Variants in FGGY observed in about 807,000 individuals in gnomAD.
FGGY encodes the protein FGGY carbohydrate kinase domain containing.
A neutral mutation model predicts 71.3 loss-of-function variants in FGGY; 72 were observed. That is an observed-to-expected ratio of 1.01 (90% CI 0.84 to 1.23). FGGY has a LOEUF of 1.23. Among genes scored for constraint, FGGY ranks in the 50% most tolerant of loss-of-function variants. FGGY has a pLI of 0.00. For synonymous variants in FGGY, 251 were observed against 250.3 expected, an observed-to-expected ratio of 1.00 and a Z score of -0.02; for missense variants, 668 against 682.3, an observed-to-expected ratio of 0.98 and a Z score of 0.23.
At chr1:59,709,884 G>A (rs1479103709) in intron 14 of FGGY, among the ~76,000 whole-genome samples, 1 of 152,206 alleles carries the variant, frequency 6.6e-6, no homozygotes, top group African/African-American at 2.4e-5. Flanking sequence ...ACCCCTCTGT[G>A]TGTTGTCAGC....
chr1:59,301,750 G>A (rs1569887551), intron 1 of FGGY, among the ~76,000 whole-genome samples: 1 of 82,912 alleles, frequency 1.2e-5, no homozygotes, highest in Admixed American at 2.0e-4. Flanking sequence ...TTTCGCTCTT[G>A]TTGCCCAGGC....
At chr1:59,350,208 A>G (rs968373361) in intron 4 of FGGY, among the ~76,000 whole-genome samples, 6 of 152,152 alleles carry the variant, frequency 3.9e-5, no homozygotes, top group Non-Finnish European at 5.9e-5. Flanking sequence ...GAGCTCAACT[A>G]TGAACCAGCA....
intron 10 of FGGY, among the ~76,000 whole-genome samples, chr1:59,629,188 A>G (rs2096885796): frequency 6.6e-6 from 1 of 152,092 alleles, no homozygotes; most frequent in Admixed American, 6.5e-5. Flanking sequence ...TACATTGTGT[A>G]CATGTACCCT....
intron 14 of FGGY, among the ~76,000 whole-genome samples, chr1:59,748,874 G>A (rs112083297): frequency 2.1e-4 from 32 of 152,176 alleles, no homozygotes; most frequent in African/African-American, 7.7e-4. Context: ...ATCAGGATGG[G>A]GGCTGGTCAC....
chr1:59,672,527 G>A (rs1306514456), intron 13 of FGGY, among the ~76,000 whole-genome samples: 2 of 152,190 alleles, frequency 1.3e-5, no homozygotes, highest in African/African-American at 2.4e-5. Context: ...AATAAACTCA[G>A]GTCTGAGCTT....
At chr1:59,323,440 G>A (rs79477581) in intron 2 of FGGY, among the ~76,000 whole-genome samples, 16 of 152,348 alleles carry the variant, frequency 1.1e-4, no homozygotes, top group Middle Eastern at 6.8e-3. Context: ...ATTCTCCTCA[G>A]ATGGAGTATG....
intron 14 of FGGY, among the ~76,000 whole-genome samples, chr1:59,715,558 G>A (rs2097840082): frequency 6.6e-6 from 1 of 152,190 alleles, no homozygotes; most frequent in South Asian, 2.1e-4. Context: ...AAAACTACTG[G>A]TTTTAGAGTC....
intron 11 of FGGY, among the ~76,000 whole-genome samples, chr1:59,649,082 G>A (rs1028375294): frequency 1.3e-5 from 2 of 151,912 alleles, no homozygotes; most frequent in South Asian, 2.1e-4. Context: ...TTATTTCTGA[G>A]GGCTCTGTTC....
At chr1:59,428,784 G>A (rs369334329) in intron 5 of FGGY, among the ~76,000 whole-genome samples, 3 of 152,178 alleles carry the variant, frequency 2.0e-5, no homozygotes, top group Non-Finnish European at 2.9e-5. Flanking sequence ...GCCCACCTCC[G>A]AAGTCTATGA....
chr1:59,629,356 G>T (rs371154892), intron 10 of FGGY, among the ~76,000 whole-genome samples: 1 of 152,158 alleles, frequency 6.6e-6, no homozygotes, highest in African/African-American at 2.4e-5. Context: ...TAAAATATAC[G>T]TAGTGTGTTA....
chr1:59,759,774 A>T (rs538087427), intron 15 of FGGY, among the ~76,000 whole-genome samples: 28 of 152,370 alleles, frequency 1.8e-4, no homozygotes, highest in Non-Finnish European at 3.8e-4. Context: ...GCCACACAGA[A>T]GCAGGGACTG....
At position 59,643,422 on chromosome 1, in the gene FGGY, T is replaced by C. The variant is rs2097057879; in HGVS notation, c.1221+5047T>C. Among the ~76,000 whole-genome samples the C allele has an allele frequency of 2.6e-5, 4 of 152,296 alleles. No individual in the cohort carries two copies. In the South Asian group the frequency reaches 8.3e-4, roughly 32 times the overall value. On this transcript the variant is annotated intron_variant, in intron 11 of 15. Transcript: ENST00000303721. ...GTTGCCAAGGCTGGTCTCAAACTGC[T>C]GGCCTCAAGCCGTCTTCCCACTTCA...
intron 14 of FGGY, among the ~76,000 whole-genome samples, chr1:59,692,703 T>G (rs771767886): frequency 1.1e-4 from 16 of 151,942 alleles, no homozygotes; most frequent in African/African-American, 3.9e-4. Flanking sequence ...GAAGATAGTC[T>G]TCTTGCATGG....
At chr1:59,684,095 A>C (rs1395366747) in intron 14 of FGGY, among the ~76,000 whole-genome samples, 1 of 152,206 alleles carries the variant, frequency 6.6e-6, no homozygotes, top group Non-Finnish European at 1.5e-5. Context: ...CCTGCATGTG[A>C]CGGGAACAGC....
intron 7 of FGGY, among the ~76,000 whole-genome samples, chr1:59,551,198 A>G (rs2095602978): frequency 6.6e-6 from 1 of 152,136 alleles, no homozygotes; most frequent in South Asian, 2.1e-4. Flanking sequence ...CACAACAACC[A>G]TGTGATGTTG....
At chr1:59,564,889 A>G (rs985137719) in intron 8 of FGGY, among the ~76,000 whole-genome samples, 5 of 152,160 alleles carry the variant, frequency 3.3e-5, no homozygotes, top group Non-Finnish European at 5.9e-5. Context: ...GGGGGAATCT[A>G]TCTATCAGAT....
intron 5 of FGGY, among the ~76,000 whole-genome samples, chr1:59,402,257 G>T (rs895448089): frequency 2.6e-5 from 4 of 152,150 alleles, no homozygotes; most frequent in Non-Finnish European, 5.9e-5. Context: ...GTAGCTTGGG[G>T]TATTGTGAAG....
At chr1:59,349,736 C>G (rs2052861638) in intron 4 of FGGY, among the ~76,000 whole-genome samples, 1 of 152,066 alleles carries the variant, frequency 6.6e-6, no homozygotes, top group South Asian at 2.1e-4. Flanking sequence ...AACATGATTG[C>G]AAAATCAAAA....
chr1:59,608,703 G>T (rs193284669), intron 9 of FGGY, among the ~76,000 whole-genome samples: 11 of 152,210 alleles, frequency 7.2e-5, no homozygotes, highest in African/African-American at 2.6e-4. Flanking sequence ...CTCGATGGCA[G>T]GCGCCTGTAA....
Sources: gnomAD v4.1 joint callset for allele counts (sites outside exome capture counted in the v4.1 genomes callset) on GRCh38, gnomAD v4.1.1 for gene constraint, MANE v1.5 for transcripts, NCBI Gene and HGNC (gene_info 2026-07-23, HGNC 2026-07-21) for gene names.